The following BABAM2 variants were observed in gnomAD, a reference collection of about 807,000 sequenced individuals.
BABAM2 encodes BRISC and BRCA1-A complex member 2.
BABAM2 carries 31 observed loss-of-function variants against 54.7 expected under a neutral mutation model. The observed-to-expected ratio is 0.57, with a 90% CI of 0.43 to 0.77. BABAM2 has a LOEUF of 0.77. Ranked by LOEUF, BABAM2 falls within the 30% of genes least tolerant of loss-of-function variation. The pLI is 0.00. For synonymous variants in BABAM2, 167 were observed against 162.9 expected (o/e 1.03, Z -0.19); for missense variants, 364 against 455.8 (o/e 0.80, Z 1.83).
intron 2 of BABAM2, among the ~76,000 whole-genome samples, chr2:27,922,630 T>G (rs1667416707): frequency 6.6e-6 from 1 of 152,194 alleles, no homozygotes; most frequent in African/African-American, 2.4e-5. Context: ...AATTTGAAAT[T>G]GGTAAAAGAT....
chr2:27,972,718 C>T (rs1458503799), intron 3 of BABAM2, among the ~76,000 whole-genome samples: 1 of 150,668 alleles, frequency 6.6e-6, no homozygotes. Context: ...TATATCTTGG[C>T]TAAATAAAAT....
chr2:28,148,988 C>T (rs541126975), intron 7 of BABAM2, among the ~76,000 whole-genome samples: 1 of 152,268 alleles, frequency 6.6e-6, no homozygotes, highest in African/African-American at 2.4e-5. Flanking sequence ...GGCTTGTCCA[C>T]AAAAGCTTAT....
intron 11 of BABAM2, among the ~76,000 whole-genome samples, chr2:28,337,674 G>C (rs527240586): frequency 2.6e-5 from 4 of 152,212 alleles, no homozygotes; most frequent in Non-Finnish European, 5.9e-5. Flanking sequence ...GAAATAAATG[G>C]AGCCCATGAA....
At chr2:28,243,464 G>A (rs767229527) in intron 9 of BABAM2, among the ~76,000 whole-genome samples, 2 of 151,216 alleles carry the variant, frequency 1.3e-5, no homozygotes, top group Non-Finnish European at 2.9e-5. Flanking sequence ...CCCGGGAGGC[G>A]GAGGTTGCAG....
intron 7 of BABAM2, among the ~76,000 whole-genome samples, chr2:28,172,724 A>G (rs1674495029): frequency 6.6e-6 from 1 of 152,186 alleles, no homozygotes. Flanking sequence ...TGTTGAGTAG[A>G]AGAAAAACAT....
chr2:28,216,526 T>C (rs1181997914), intron 7 of BABAM2, among the ~76,000 whole-genome samples: 1 of 152,212 alleles, frequency 6.6e-6, no homozygotes, highest in East Asian at 1.9e-4. Flanking sequence ...ACAACTCTGT[T>C]TTCATGCAGT....
chr2:28,140,080 C>T (rs1238635070), intron 7 of BABAM2, among the ~76,000 whole-genome samples: 1 of 152,112 alleles, frequency 6.6e-6, no homozygotes, highest in East Asian at 1.9e-4. Context: ...CAATGCTTTT[C>T]CTGCATCTCT....
At chr2:27,948,271 A>ATT (rs886742003) in intron 3 of BABAM2, among the ~76,000 whole-genome samples, 2 of 147,784 alleles carry the variant, frequency 1.4e-5, no homozygotes, top group Non-Finnish European at 1.5e-5. Context: ...GATACAGTTG[A>ATT]TTTTTTTTTT....
chr2:27,929,436 C>T (rs1667939016), intron 2 of BABAM2, among the ~76,000 whole-genome samples: 1 of 152,058 alleles, frequency 6.6e-6, no homozygotes. Context: ...TTTGTACTAA[C>T]AGAATGAAAG....
chr2:28,335,133 A>G (rs12714231), intron 11 of BABAM2, among the ~76,000 whole-genome samples: 146,293 of 147,496 alleles, frequency 0.99, 72,555 homozygotes, highest in East Asian at 1. Context: ...CTCTTTCTGG[A>G]GCTGCTGTCT....
At chr2:28,030,036 G>T (rs1481270542) in intron 5 of BABAM2, among the ~76,000 whole-genome samples, 2 of 152,012 alleles carry the variant, frequency 1.3e-5, no homozygotes, top group African/African-American at 2.4e-5. Flanking sequence ...AACAGGAATC[G>T]CTGTCAAACT....
At chr2:28,202,988 TTGA>T (rs1174071058) in intron 7 of BABAM2, among the ~76,000 whole-genome samples, 7 of 152,156 alleles carry the variant, frequency 4.6e-5, no homozygotes, top group Non-Finnish European at 8.8e-5. Flanking sequence ...TGCTTTCCTA[TTGA>T]TGAATCATTA....
At chr2:28,035,228 C>T (rs1676579575) in intron 5 of BABAM2, among the ~76,000 whole-genome samples, 2 of 152,006 alleles carry the variant, frequency 1.3e-5, no homozygotes, top group Admixed American at 6.6e-5. Context: ...ATATATGGCT[C>T]ACATTTGTAC....
chr2:28,033,862 AT>A (rs1676474657), intron 5 of BABAM2, among the ~76,000 whole-genome samples: 1 of 151,896 alleles, frequency 6.6e-6, no homozygotes, highest in Non-Finnish European at 1.5e-5. Context: ...TAGTTTACAT[AT>A]AAAAATCATC....
chr2:28,068,414 C>T (rs1413912915), intron 6 of BABAM2, among the ~76,000 whole-genome samples: 1 of 152,182 alleles, frequency 6.6e-6, no homozygotes, highest in Non-Finnish European at 1.5e-5. Context: ...ACATAAAATA[C>T]TGAGTTTATA....
At chr2:28,223,884 A>G (rs1680631964) in intron 7 of BABAM2, among the ~76,000 whole-genome samples, 1 of 152,130 alleles carries the variant, frequency 6.6e-6, no homozygotes, top group South Asian at 2.1e-4. Context: ...TGAGATTCCA[A>G]TATGCTATGC....
chr2:28,233,112 G>A (rs575303379), intron 7 of BABAM2: 2 of 438,310 alleles, frequency 4.6e-6, no homozygotes, highest in South Asian at 3.4e-5. Flanking sequence ...CTTCTCATCA[G>A]AACAGCCCTA....
At chr2:28,261,670 T>A (rs2148134648) in intron 10 of BABAM2, among the ~76,000 whole-genome samples, 1 of 152,226 alleles carries the variant, frequency 6.6e-6, no homozygotes, top group Middle Eastern at 3.4e-3. Context: ...TATGATCATG[T>A]CATCTGCAGA....
At chr2:28,054,811 G>GATAGCT (rs1159558304) in intron 6 of BABAM2, among the ~76,000 whole-genome samples, 1 of 152,226 alleles carries the variant, frequency 6.6e-6, no homozygotes, top group East Asian at 1.9e-4. Context: ...AACTGACTAA[G>GATAGCT]ATAGCTATGC....
Sources: gnomAD v4.1 joint callset for allele counts (sites outside exome capture counted in the v4.1 genomes callset) on GRCh38, gnomAD v4.1.1 for gene constraint, MANE v1.5 for transcripts, NCBI Gene and HGNC (gene_info 2026-07-23, HGNC 2026-07-21) for gene names.